Variants in CABP7 observed in about 807,000 individuals in gnomAD.
CABP7 encodes the protein calcium binding protein 7.
Under a neutral mutation model 23.1 loss-of-function variants are expected in CABP7, and 13 were observed. The observed-to-expected ratio is 0.56, with a 90% CI of 0.37 to 0.90. The LOEUF (loss-of-function observed/expected upper bound fraction) is 0.90, where lower values mean the gene tolerates loss of function less well. Among genes scored for constraint, CABP7 ranks in the 40% least tolerant of loss-of-function variants. The pLI is 0.01. For missense variants in CABP7, 248 were observed against 295.6 expected, an observed-to-expected ratio of 0.84 and a Z score of 1.18; for synonymous variants, 123 against 115.3, an observed-to-expected ratio of 1.07 and a Z score of -0.43.
chr22:29,722,018 C>T (rs1207643969), intron 1 of CABP7, among the ~76,000 whole-genome samples: 1 of 152,140 alleles, frequency 6.6e-6, no homozygotes, highest in Non-Finnish European at 1.5e-5. Context: ...TTGTCCCCTC[C>T]GGCCCTGGGC....
rs763333084 is a variant in CABP7 at position 29,727,692 on chromosome 22, G to GT, written c.141dup (p.Asp48Ter). 1.9e-6 allele frequency: 3 copies of GT among 1,613,754 alleles called. No homozygotes were observed. The highest frequency in any genetic ancestry group is 2.5e-6 in the Non-Finnish European group (3 of 1,179,938). ...CGAGAGGCCTTCAAGGTGTTTGACCGTGACGGCAATGGCTTCATCTCCAAG... is the reference window on the plus strand; with the variant it reads ...CGAGAGGCCTTCAAGGTGTTTGACCGTTGACGGCAATGGCTTCATCTCCAAG... On this transcript the variant is annotated frameshift_variant, in exon 2 of 5. Transcript: ENST00000216144. LOFTEE classifies it high-confidence loss of function. The surrounding 1 kb of genome is among the most constrained non-coding windows in gnomAD (Gnocchi z 4.2).
rs201190458 is a variant in CABP7 at position 29,727,626 on chromosome 22, G to A, written c.110-36G>A. Reference sequence around the variant, plus strand: ...CTGGAAAGGGGGTCTGTTGGGGACCGGGGTGAAGTCCCAGCCTACTCCATT... The same window carrying A: ...CTGGAAAGGGGGTCTGTTGGGGACCAGGGTGAAGTCCCAGCCTACTCCATT... On this transcript the variant is annotated intron_variant, in intron 1 of 4. Coordinates refer to ENST00000216144, the MANE Select transcript of CABP7 (RefSeq NM_182527.3). The surrounding 1 kb of genome is among the most constrained non-coding windows in gnomAD (Gnocchi z 4.2). 238 of 1,611,932 alleles carry A rather than the reference G, an allele frequency of 1.5e-4. 1 individual carries two copies. In the African/African-American group the frequency reaches 2.8e-3, roughly 19 times the overall value.
chr22:29,722,719 C>T (rs1350682931), intron 1 of CABP7, among the ~76,000 whole-genome samples: 4 of 152,272 alleles, frequency 2.6e-5, no homozygotes, highest in Non-Finnish European at 5.9e-5. Flanking sequence ...TCTGCAGGGC[C>T]TCATGAGTGC....
intron 1 of CABP7, among the ~76,000 whole-genome samples, chr22:29,725,161 C>T (rs572776459): frequency 4.6e-5 from 7 of 152,242 alleles, no homozygotes; most frequent in Non-Finnish European, 7.4e-5. Flanking sequence ...GGCCCCCACT[C>T]GTCTTCAGCT....
chr22:29,728,936 G>C, intron 3 of CABP7, 119 bp from the exon 4 acceptor site: 4 of 1,341,008 alleles, frequency 3.0e-6, no homozygotes, highest in Non-Finnish European at 4.2e-6. Flanking sequence ...TGGGGGAATG[G>C]AGCAAGTGTT....
chr22:29,724,134 G>C (rs896711500), intron 1 of CABP7, among the ~76,000 whole-genome samples: 1 of 152,242 alleles, frequency 6.6e-6, no homozygotes, highest in Non-Finnish European at 1.5e-5. Flanking sequence ...TGGCACAACG[G>C]TGGCAGGAAA....
At chr22:29,723,046 A>G (rs2067772395) in intron 1 of CABP7, among the ~76,000 whole-genome samples, 1 of 152,108 alleles carries the variant, frequency 6.6e-6, no homozygotes, top group Admixed American at 6.5e-5. Context: ...CCCACCTATA[A>G]AAGGGGGGCT....
At position 29,727,088 on chromosome 22, in the gene CABP7, T is replaced by C. The variant is rs2067800488; in HGVS notation, c.110-574T>C. Among the ~76,000 whole-genome samples the C allele has an allele frequency of 6.6e-6, 1 of 152,158 alleles. No homozygotes were observed. The highest frequency in any genetic ancestry group is 2.4e-5 in the African/African-American group (1 of 41,446). ...CACCCAGTCTGGTCTGGCCTGGACCTGGAGGGGGGCTCCTTCCCCCTCTGT... is the reference window on the plus strand; with the variant it reads ...CACCCAGTCTGGTCTGGCCTGGACCCGGAGGGGGGCTCCTTCCCCCTCTGT... On this transcript the variant is annotated intron_variant, in intron 1 of 4. Coordinates refer to ENST00000216144, the MANE Select transcript of CABP7 (RefSeq NM_182527.3). The surrounding 1 kb of genome is among the most constrained non-coding windows in gnomAD (Gnocchi z 4.2).
intron 1 of CABP7, among the ~76,000 whole-genome samples, chr22:29,723,907 TG>T: frequency 6.6e-6 from 1 of 152,092 alleles, no homozygotes; most frequent in East Asian, 1.9e-4. Flanking sequence ...GCTGGGGACT[TG>T]GGCCCTGATG....
chr22:29,725,789 G>A (rs1189833070), intron 1 of CABP7, among the ~76,000 whole-genome samples: 1 of 151,894 alleles, frequency 6.6e-6, no homozygotes, highest in Non-Finnish European at 1.5e-5. Flanking sequence ...GACCGAGAGG[G>A]CCCCTAGCCT....
chr22:29,726,002 T>G (rs947169336), intron 1 of CABP7, among the ~76,000 whole-genome samples: 2 of 152,110 alleles, frequency 1.3e-5, no homozygotes, highest in African/African-American at 2.4e-5. Context: ...CACCACCTCT[T>G]TGGTGGCCCA....
chr22:29,729,592 ACCGCATGCGGTGCCCGTGGC>A lies in CABP7; in HGVS notation c.*28_*47del. 2.5e-6 allele frequency: 4 copies of A among 1,605,462 alleles called. No individual in the cohort carries two copies. The highest frequency in any genetic ancestry group is 3.4e-6 in the Non-Finnish European group (4 of 1,179,370). The stretch of plus-strand genomic sequence containing the variant: ...TAGACGCCACCTGGATGCCCCATCC[ACCGCATGCGGTGCCCGTGGC>A]CCGCCCCACACCACCGCCGCCTGCA... On this transcript the variant is annotated 3_prime_UTR_variant, in exon 5 of 5. Transcript: ENST00000216144.
rs1232734378 is a variant in CABP7, at chr22:29,720,624, G to A, written c.109+91G>A. The A allele has an allele frequency of 1.4e-6, 1 of 733,056 alleles. No individual in the cohort carries two copies. Among genetic ancestry groups the A allele is most frequent in the African/African-American group, 1.9e-5 (1 of 52,852 alleles). 45.4% of individuals were successfully genotyped at this position (733,056 alleles called of 1,614,324 possible). On this transcript the variant is annotated intron_variant, in intron 1 of 4. Coordinates refer to ENST00000216144, the MANE Select transcript of CABP7 (RefSeq NM_182527.3). This position sits in a 1 kb window ranked among gnomAD's most constrained non-coding sequence, Gnocchi z 5.2. Reference sequence around the variant, plus strand: ...CCAGGGGCGCGGGGGCGGGGGGCGGGGGGCGGTCCGCAGGTGCCGGTTGCC... The same window carrying A: ...CCAGGGGCGCGGGGGCGGGGGGCGGAGGGCGGTCCGCAGGTGCCGGTTGCC...
rs1407978573 is a variant in CABP7, at chr22:29,730,263, G to C, written c.*694G>C. Reference sequence around the variant, plus strand: ...GTTCTTCCTTCCACAGGGATTTTCAGGAAAGGCAGAAGCTCGTGGAGGATG... The same window carrying C: ...GTTCTTCCTTCCACAGGGATTTTCACGAAAGGCAGAAGCTCGTGGAGGATG... On this transcript the variant is annotated 3_prime_UTR_variant, in exon 5 of 5. Transcript: ENST00000216144. 6.5e-6 allele frequency: 1 copy of C among 152,752 alleles called. No homozygotes were observed. The highest frequency in any genetic ancestry group is 1.5e-5 in the Non-Finnish European group (1 of 68,044). The allele number at this position is 152,752 out of a possible 1,614,324, so 9.5% of individuals were successfully genotyped here. A position where few individuals can be genotyped will look rare whatever the true frequency, so the allele number is the denominator to read the frequency against.
chr22:29,720,549 GA>G lies in CABP7; in HGVS notation c.109+17del, dbSNP rs1322345490. The G allele has an allele frequency of 6.6e-7, 1 of 1,507,072 alleles. No homozygotes were observed. The allele number at this position is 1,507,072 out of a possible 1,614,324, so 93.4% of individuals were successfully genotyped here. On this transcript the variant is annotated intron_variant, in intron 1 of 4. Coordinates refer to ENST00000216144, the MANE Select transcript of CABP7 (RefSeq NM_182527.3). This position sits in a 1 kb window ranked among gnomAD's most constrained non-coding sequence, Gnocchi z 5.2. ...GAGCTGGAGGGTGAGTGTCCGCCGG[GA>G]TCCCCGCCCCGGCGGCCCTCCTACC...
Position 29,720,733 on chromosome 22 carries a change from G to A in CABP7, c.109+200G>A, listed in dbSNP as rs1299317471. 6.6e-6 allele frequency among the ~76,000 whole-genome samples: 1 copy of A among 151,510 alleles called. No homozygotes were observed. Among genetic ancestry groups the A allele is most frequent in the Admixed American group, 6.6e-5 (1 of 15,228 alleles). On this transcript the variant is annotated intron_variant, in intron 1 of 4. Transcript: ENST00000216144. This position sits in a 1 kb window ranked among gnomAD's most constrained non-coding sequence, Gnocchi z 5.2. ...CGCCGCGGTGGGGGTCGCTCAGGCG[G>A]AGAGCGGCCCAGCCCCTGCCCGCGT...
chr22:29,727,830 C>T lies in CABP7; in HGVS notation c.253+25C>T. ...GGTGAGCACCCCCCCGCCTCGGTTT[C>T]CCCACCTGGCATCTGGGCCCTGGGG... On this transcript the variant is annotated intron_variant, in intron 2 of 4. Transcript: ENST00000216144. This position sits in a 1 kb window ranked among gnomAD's most constrained non-coding sequence, Gnocchi z 4.2. 6.3e-7 allele frequency: 1 copy of T among 1,595,618 alleles called. No homozygotes were observed. The highest frequency in any genetic ancestry group is 1.1e-5 in the South Asian group (1 of 89,428).
intron 1 of CABP7, among the ~76,000 whole-genome samples, chr22:29,721,087 C>A (rs1045874163): frequency 1.3e-5 from 2 of 152,154 alleles, no homozygotes; most frequent in African/African-American, 4.8e-5. Context: ...TGCAGCCCTG[C>A]GGGGACCCCC....
Position 29,725,113 on chromosome 22 carries a change from G to T in CABP7, c.110-2549G>T, listed in dbSNP as rs568812357. 3.3e-5 allele frequency among the ~76,000 whole-genome samples: 5 copies of T among 152,214 alleles called. No homozygotes were observed. The East Asian group carries it at 9.7e-4, about 30-fold the overall frequency. On this transcript the variant is annotated intron_variant, in intron 1 of 4. Transcript: ENST00000216144. ...AGGAGGAAAGGGAGGAGGAGGAGCG[G>T]TGCCTGACCCTGGTCCTCCTTCCCC...
Sources: gnomAD v4.1 joint callset for allele counts (sites outside exome capture counted in the v4.1 genomes callset) on GRCh38, gnomAD v4.1.1 for gene constraint, Gnocchi (gnomAD v3.1) non-coding constraint, MANE v1.5 for transcripts, NCBI Gene and HGNC (gene_info 2026-07-23, HGNC 2026-07-21) for gene names.